PARM1: variants seen among roughly 807,000 people sequenced by gnomAD.
PARM1 encodes the protein WSC4, cell wall integrity and stress response component 4 homolog.
PARM1 carries 14 observed loss-of-function variants against 24.6 expected under a neutral mutation model. The observed-to-expected ratio is 0.57, with a 90% CI of 0.38 to 0.89. PARM1 has a LOEUF of 0.89. Among genes scored for constraint, PARM1 ranks in the 40% least tolerant of loss-of-function variants. PARM1 has a pLI of 0.00. For missense variants in PARM1, 362 were observed against 380.4 expected, an observed-to-expected ratio of 0.95 and a Z score of 0.40; for synonymous variants, 179 against 156.6, an observed-to-expected ratio of 1.14 and a Z score of -1.07.
chr4:74,996,723 T>C (rs1722581748), intron 1 of PARM1, among the ~76,000 whole-genome samples: 1 of 152,210 alleles, frequency 6.6e-6, no homozygotes, highest in African/African-American at 2.4e-5. Flanking sequence ...GATTGATTGT[T>C]TTATTACAGT....
intron 1 of PARM1, among the ~76,000 whole-genome samples, chr4:74,987,625 G>A (rs1253453208): frequency 1.3e-5 from 2 of 152,120 alleles, no homozygotes; most frequent in African/African-American, 2.4e-5. Flanking sequence ...TTATGTCAAC[G>A]TCAAGAGATG....
At chr4:74,989,218 G>A (rs1239318470) in intron 1 of PARM1, among the ~76,000 whole-genome samples, 1 of 152,098 alleles carries the variant, frequency 6.6e-6, no homozygotes, top group Non-Finnish European at 1.5e-5. Context: ...CCTGAAGATA[G>A]TGTCAGATCC....
chr4:74,970,276 T>A (rs1722000202), intron 1 of PARM1: 1 of 152,298 alleles, frequency 6.6e-6, no homozygotes, highest in African/African-American at 2.4e-5. Context: ...CATGCCTAAC[T>A]TGTACCTCAC....
At chr4:74,986,439 A>G (rs1416057148) in intron 1 of PARM1, among the ~76,000 whole-genome samples, 8 of 152,238 alleles carry the variant, frequency 5.3e-5, no homozygotes, top group Non-Finnish European at 1.2e-4. Flanking sequence ...AGTCCCAGAC[A>G]TATTCCTCCA....
intron 2 of PARM1, among the ~76,000 whole-genome samples, chr4:75,013,775 C>T (rs144815425): frequency 3.5e-4 from 53 of 152,302 alleles, no homozygotes; most frequent in African/African-American, 1.2e-3. Context: ...ATAAATTTTA[C>T]AAGATGTCAC....
intron 1 of PARM1, among the ~76,000 whole-genome samples, chr4:74,951,301 C>A (rs1416084425): frequency 1.3e-5 from 2 of 152,156 alleles, no homozygotes; most frequent in African/African-American, 2.4e-5. Flanking sequence ...GCAGTAAAGT[C>A]AGGAAGAGTA....
intron 1 of PARM1, among the ~76,000 whole-genome samples, chr4:75,005,550 C>T (rs1722755649): frequency 2.0e-5 from 3 of 152,176 alleles, no homozygotes; most frequent in South Asian, 2.1e-4. Context: ...CCTCTACCTC[C>T]TCTCAGCACC....
At chr4:75,017,230 A>G (rs1161923884) in intron 2 of PARM1, among the ~76,000 whole-genome samples, 1 of 152,150 alleles carries the variant, frequency 6.6e-6, no homozygotes, top group Non-Finnish European at 1.5e-5. Flanking sequence ...AACAGACTCC[A>G]CTATCCATCC....
intron 1 of PARM1, among the ~76,000 whole-genome samples, chr4:74,979,260 C>T (rs1286181254): frequency 3.9e-5 from 6 of 151,930 alleles, no homozygotes; most frequent in African/African-American, 1.5e-4. Context: ...CAAATAAACA[C>T]AATAAAAAAT....
At chr4:74,984,291 A>G (rs559721963) in intron 1 of PARM1, among the ~76,000 whole-genome samples, 1 of 152,350 alleles carries the variant, frequency 6.6e-6, no homozygotes, top group South Asian at 2.1e-4. Flanking sequence ...ACTTCACTAA[A>G]TGGTAACTTA....
At chr4:74,936,448 T>G (rs112639175) in intron 1 of PARM1, among the ~76,000 whole-genome samples, 16 of 125,860 alleles carry the variant, frequency 1.3e-4, no homozygotes, top group African/African-American at 4.5e-4. Context: ...GTTTTTTTTT[T>G]GTTTGTTTTT....
At chr4:75,002,094 C>T (rs1225845081) in intron 1 of PARM1, among the ~76,000 whole-genome samples, 2 of 152,180 alleles carry the variant, frequency 1.3e-5, no homozygotes, top group Non-Finnish European at 2.9e-5. Context: ...AGGGCTCCAG[C>T]TCTCTGGGGA....
At chr4:74,949,950 T>C (rs1721492099) in intron 1 of PARM1, among the ~76,000 whole-genome samples, 1 of 152,124 alleles carries the variant, frequency 6.6e-6, no homozygotes, top group Non-Finnish European at 1.5e-5. Flanking sequence ...CTTTTTTTCC[T>C]TTCATCTTGG....
chr4:74,972,541 G>A (rs1722059434), intron 1 of PARM1, among the ~76,000 whole-genome samples: 1 of 152,114 alleles, frequency 6.6e-6, no homozygotes, highest in African/African-American at 2.4e-5. Flanking sequence ...TCAAAATTGT[G>A]TCTTTTAGTG....
chr4:75,039,715 T>G (rs920280423), intron 3 of PARM1, among the ~76,000 whole-genome samples: 6 of 152,084 alleles, frequency 3.9e-5, no homozygotes, highest in Non-Finnish European at 2.9e-5. Flanking sequence ...AGTAGCCCTG[T>G]TTTACCCATT....
At chr4:75,001,889 C>G (rs973939833) in intron 1 of PARM1, among the ~76,000 whole-genome samples, 1 of 152,194 alleles carries the variant, frequency 6.6e-6, no homozygotes, top group Non-Finnish European at 1.5e-5. Context: ...CTTCCCCGTT[C>G]CCTGGATGGT....
intron 1 of PARM1, among the ~76,000 whole-genome samples, chr4:74,981,602 C>T (rs994598921): frequency 2.0e-5 from 3 of 152,006 alleles, no homozygotes; most frequent in Non-Finnish European, 4.4e-5. Context: ...CAGGGCCAGG[C>T]GTGGTGGCTC....
Position 75,001,948 on chromosome 4 carries a change from G to A in PARM1, c.44-10477G>A, listed in dbSNP as rs73826602. 6.8e-3 allele frequency among the ~76,000 whole-genome samples: 1,035 copies of A among 152,330 alleles called. 10 individuals are homozygous for A. Among genetic ancestry groups the A allele is most frequent in the African/African-American group, 0.024 (1,000 of 41,570 alleles). On this transcript the variant is annotated intron_variant, in intron 1 of 3. Transcript: ENST00000307428. ...GCCAACATGAATACAAAGCCTGGTT[G>A]CATTTCATGAACATTATCCTATAAT... is the stretch of plus-strand genomic sequence containing the variant.
intron 1 of PARM1, among the ~76,000 whole-genome samples, chr4:74,984,758 G>A (rs1175324984): frequency 6.6e-6 from 1 of 152,190 alleles, no homozygotes; most frequent in Non-Finnish European, 1.5e-5. Context: ...TAGGAGCTGA[G>A]GTCAAATCCA....
Sources: allele counts gnomAD v4.1 joint callset (sites outside exome capture counted in the v4.1 genomes callset), GRCh38; gene constraint gnomAD v4.1.1; transcripts MANE v1.5; gene names NCBI Gene and HGNC (gene_info 2026-07-23, HGNC 2026-07-21).